NRXN1: variants seen among roughly 807,000 people sequenced by gnomAD.
NRXN1 encodes the protein neurexin 1, also known as neurexin-1.
NRXN1 carries 39 observed loss-of-function variants against 150.9 expected under a neutral mutation model. The observed-to-expected ratio is 0.26, with a 90% confidence interval of 0.20 to 0.34. NRXN1 has a LOEUF of 0.34. Among genes scored for constraint, NRXN1 ranks in the 10% least tolerant of loss-of-function variants. The pLI is 1.00. For synonymous variants in NRXN1, 924 were observed against 757.0 expected (o/e 1.22, Z -3.62); for missense variants, 1,815 against 1,949.9 (o/e 0.93, Z 1.30).
chr2:50,880,701 G>A (rs1259477834), intron 5 of NRXN1, among the ~76,000 whole-genome samples: 1 of 151,954 alleles, frequency 6.6e-6, no homozygotes, highest in Non-Finnish European at 1.5e-5. Context: ...CAGAATAACA[G>A]AATTTCCTTC....
chr2:50,482,011 G>A (rs952495962), intron 15 of NRXN1, among the ~76,000 whole-genome samples: 2 of 150,232 alleles, frequency 1.3e-5, no homozygotes, highest in Admixed American at 1.3e-4. Context: ...CTCGTGATCC[G>A]CCCGCCTCGG....
chr2:50,074,970 C>G (rs1413744731), intron 19 of NRXN1, among the ~76,000 whole-genome samples: 1 of 152,148 alleles, frequency 6.6e-6, no homozygotes, highest in Non-Finnish European at 1.5e-5. Context: ...GTAAAGTTCA[C>G]AGTGTGAAAC....
chr2:50,532,511 T>A (rs1402953341), intron 10 of NRXN1, among the ~76,000 whole-genome samples: 1 of 152,198 alleles, frequency 6.6e-6, no homozygotes, highest in African/African-American at 2.4e-5. Flanking sequence ...TACAAAGGCT[T>A]CCTTTTAAGG....
At chr2:50,460,491 C>A (rs910828763) in intron 17 of NRXN1, among the ~76,000 whole-genome samples, 1 of 152,050 alleles carries the variant, frequency 6.6e-6, no homozygotes, top group African/African-American at 2.4e-5. Flanking sequence ...TAAATTTTCT[C>A]ATATAGATAC....
intron 21 of NRXN1, among the ~76,000 whole-genome samples, chr2:49,994,369 G>T (rs6545138): frequency 1.3e-5 from 2 of 151,954 alleles, no homozygotes; most frequent in African/African-American, 2.4e-5. Context: ...ACTAATAGAC[G>T]AATCCAGTCT....
chr2:50,515,828 C>A (rs1303852515), intron 12 of NRXN1, among the ~76,000 whole-genome samples: 3 of 152,060 alleles, frequency 2.0e-5, no homozygotes, highest in Non-Finnish European at 4.4e-5. Flanking sequence ...GAAGCAGGAG[C>A]TACCACTGCT....
chr2:50,047,128 G>A (rs551050048), intron 21 of NRXN1, among the ~76,000 whole-genome samples: 8 of 152,118 alleles, frequency 5.3e-5, no homozygotes, highest in African/African-American at 1.9e-4. Context: ...AAGACTATGA[G>A]AAAGCAGGAG....
chr2:50,109,951 T>A (rs180757942), intron 18 of NRXN1, among the ~76,000 whole-genome samples: 16 of 152,320 alleles, frequency 1.1e-4, no homozygotes, highest in Admixed American at 2.0e-4. Flanking sequence ...TGTGATTATA[T>A]TGACAATGGT....
At chr2:50,573,446 C>A (rs1269229058) in intron 8 of NRXN1, among the ~76,000 whole-genome samples, 1 of 151,792 alleles carries the variant, frequency 6.6e-6, no homozygotes, top group Non-Finnish European at 1.5e-5. Flanking sequence ...GAAAACATCT[C>A]ATTTCTAAGT....
At chr2:50,307,538 T>C (rs2074743617) in intron 17 of NRXN1, among the ~76,000 whole-genome samples, 1 of 152,186 alleles carries the variant, frequency 6.6e-6, no homozygotes, top group African/African-American at 2.4e-5. Context: ...GGTAATGGAT[T>C]TAATTGCTTA....
intron 17 of NRXN1, among the ~76,000 whole-genome samples, chr2:50,420,136 G>A (rs111229986): frequency 0.057 from 8,608 of 152,032 alleles, 329 homozygotes; most frequent in Non-Finnish European, 0.081. Context: ...CAGATTAAGA[G>A]AATTAACATG....
At chr2:50,183,751 T>C (rs2060888598) in intron 18 of NRXN1, among the ~76,000 whole-genome samples, 1 of 151,174 alleles carries the variant, frequency 6.6e-6, no homozygotes, top group Non-Finnish European at 1.5e-5. Context: ...CAACAAAGGA[T>C]TATTTGGCTC....
intron 5 of NRXN1, among the ~76,000 whole-genome samples, chr2:50,794,472 T>C (rs908315746): frequency 1.3e-5 from 2 of 152,100 alleles, no homozygotes; most frequent in Non-Finnish European, 2.9e-5. Context: ...AAAATGATGG[T>C]ATAATTTCTG....
At chr2:50,190,904 C>T (rs990997426) in intron 18 of NRXN1, among the ~76,000 whole-genome samples, 2 of 151,894 alleles carry the variant, frequency 1.3e-5, no homozygotes, top group African/African-American at 4.8e-5. Context: ...TGAGCCACCA[C>T]ACCCGGCCTA....
intron 17 of NRXN1, among the ~76,000 whole-genome samples, chr2:50,249,638 CTTTCT>C (rs1175139948): frequency 7.7e-6 from 1 of 129,726 alleles, no homozygotes; most frequent in Admixed American, 7.9e-5. Context: ...CATTTCTTTC[CTTTCT>C]TTTTTTTTTT....
chr2:50,872,684 G>T (rs1574783369), intron 5 of NRXN1, among the ~76,000 whole-genome samples: 1 of 151,920 alleles, frequency 6.6e-6, no homozygotes, highest in East Asian at 1.9e-4. Context: ...CTGATGCAGT[G>T]GCTCACTCTT....
At chr2:50,224,683 G>C (rs1227602120) in intron 18 of NRXN1, among the ~76,000 whole-genome samples, 5 of 135,738 alleles carry the variant, frequency 3.7e-5, no homozygotes, top group African/African-American at 1.4e-4. Flanking sequence ...AAGAGAGAGA[G>C]AGAGGGAGAA....
chr2:50,937,918 A>T (rs1330877471), intron 2 of NRXN1, among the ~76,000 whole-genome samples: 1 of 152,152 alleles, frequency 6.6e-6, no homozygotes, highest in Non-Finnish European at 1.5e-5. Context: ...CCTGGATGGT[A>T]TGGCCTACTA....
At chr2:50,633,375 G>C (rs1053097375) in intron 5 of NRXN1, among the ~76,000 whole-genome samples, 11 of 152,068 alleles carry the variant, frequency 7.2e-5, no homozygotes, top group African/African-American at 2.7e-4. Context: ...GATATCCCCA[G>C]CACATTAAGT....
Sources: gnomAD v4.1 joint callset for allele counts (sites outside exome capture counted in the v4.1 genomes callset) on GRCh38, gnomAD v4.1.1 for gene constraint, MANE v1.5 for transcripts, NCBI Gene and HGNC (gene_info 2026-07-23, HGNC 2026-07-21) for gene names.